The following BARX2 variants were observed in gnomAD, a reference collection of about 807,000 sequenced individuals.
The protein encoded by BARX2 is homeobox protein BarH-like 2.
Under a neutral mutation model 25.5 loss-of-function variants are expected in BARX2, and 11 were observed. That is an observed-to-expected ratio of 0.43 (90% CI 0.27 to 0.71). BARX2 has a LOEUF of 0.71. Among genes scored for constraint, BARX2 ranks in the 30% least tolerant of loss-of-function variants. The pLI is 0.19. For missense variants in BARX2, 360 were observed against 359.9 expected (o/e 1.00, Z 0.00); for synonymous variants, 137 against 149.5 (o/e 0.92, Z 0.61).
rs748723912 is a variant in BARX2 at position 129,436,711 on chromosome 11, C to A, written c.188-40C>A. 4 of 1,530,274 alleles carry A rather than the reference C, an allele frequency of 2.6e-6. No homozygotes were observed. The highest frequency in any genetic ancestry group is 2.6e-6 in the Non-Finnish European group (3 of 1,134,282). The allele number at this position is 1,530,274 out of a possible 1,614,324, so 94.8% of individuals were successfully genotyped here. ...GCAGGTCCTGGCCTGCTTCCCCACA[C>A]CGTTCCCTGTGGTGACCTGCCTCCC... On this transcript the variant is annotated intron_variant, in intron 1 of 3. Coordinates refer to ENST00000281437, the MANE Select transcript of BARX2 (RefSeq NM_003658.5). The surrounding 1 kb of genome is among the most constrained non-coding windows in gnomAD (Gnocchi z 4.5).
intron 1 of BARX2, among the ~76,000 whole-genome samples, chr11:129,427,792 G>A (rs548858825): frequency 5.3e-5 from 8 of 152,300 alleles, no homozygotes; most frequent in Non-Finnish European, 1.0e-4. Context: ...AGATGGAGGA[G>A]CTGTGCCAAG....
intron 1 of BARX2, among the ~76,000 whole-genome samples, chr11:129,423,248 C>T (rs58809107): frequency 0.039 from 5,845 of 151,736 alleles, 147 homozygotes; most frequent in African/African-American, 0.066. Context: ...TCCCGAGTAG[C>T]TGGGATTACA....
intron 1 of BARX2, among the ~76,000 whole-genome samples, chr11:129,382,023 A>G (rs4627094): frequency 0.47 from 72,042 of 152,090 alleles, 17,236 homozygotes; most frequent in East Asian, 0.57. Context: ...TAAGCTCTGC[A>G]CAGCATTTAG....
rs115381903 is a variant in BARX2 at position 129,395,512 on chromosome 11, G to A, written c.187+19290G>A. On this transcript the variant is annotated intron_variant, in intron 1 of 3. Transcript: ENST00000281437. ...ATTGAGTTAGTGGGCCGTGAGTTCCGTGCATTTAGGGTTGTGTGTGAGGCT... is the reference window on the plus strand; with the variant it reads ...ATTGAGTTAGTGGGCCGTGAGTTCCATGCATTTAGGGTTGTGTGTGAGGCT... 8.0e-3 allele frequency among the ~76,000 whole-genome samples: 1,212 copies of A among 152,236 alleles called. 12 individuals are homozygous for A. Among genetic ancestry groups the A allele is most frequent in the African/African-American group, 0.025 (1,024 of 41,554 alleles).
chr11:129,405,714 T>C (rs1292153984), intron 1 of BARX2, among the ~76,000 whole-genome samples: 1 of 152,188 alleles, frequency 6.6e-6, no homozygotes, highest in Non-Finnish European at 1.5e-5. Context: ...GCAAAAATGG[T>C]TTAAAGTTTA....
At chr11:129,442,961 A>T in intron 3 of BARX2, 42 bp downstream of exon 3, 1 of 1,557,712 alleles carries the variant, frequency 6.4e-7, no homozygotes, top group South Asian at 1.1e-5. Context: ...CCTGATGGGA[A>T]GGACTTTTAC....
At chr11:129,449,495 C>T (rs1862370927) in intron 3 of BARX2, among the ~76,000 whole-genome samples, 1 of 152,318 alleles carries the variant, frequency 6.6e-6, no homozygotes, top group African/African-American at 2.4e-5. Context: ...TCTGGAAGCC[C>T]TTCTCACTAA....
chr11:129,409,049 G>A (rs962124609), intron 1 of BARX2, among the ~76,000 whole-genome samples: 1 of 152,028 alleles, frequency 6.6e-6, no homozygotes, highest in South Asian at 2.1e-4. Flanking sequence ...TGTGGGCCAG[G>A]AGCTAGCTAC....
At position 129,436,476 on chromosome 11, in the gene BARX2, GGA is replaced by G. The variant is rs1862190028; in HGVS notation, c.188-269_188-268del. The G allele has an allele frequency of 1.3e-5, 5 of 385,220 alleles. No homozygotes were observed. In the East Asian group the frequency reaches 1.5e-4, roughly 12 times the overall value. 23.9% of individuals were successfully genotyped at this position (385,220 alleles called of 1,614,324 possible). ...GACCAAGAATTTAGGGATTCCGAAG[GGA>G]GAGAGGGGAAAGATCTGCTTAAAAC... On this transcript the variant is annotated intron_variant, in intron 1 of 3. Transcript: ENST00000281437. This position sits in a 1 kb window ranked among gnomAD's most constrained non-coding sequence, Gnocchi z 4.5.
intron 1 of BARX2, among the ~76,000 whole-genome samples, chr11:129,418,709 C>T (rs1175509250): frequency 6.6e-6 from 1 of 152,064 alleles, no homozygotes; most frequent in East Asian, 1.9e-4. Flanking sequence ...GAATTGGGTA[C>T]CCTGTCATGA....
Position 129,388,512 on chromosome 11 carries a change from T to A in BARX2, c.187+12290T>A, listed in dbSNP as rs114641459. 4.1e-3 allele frequency among the ~76,000 whole-genome samples: 632 copies of A among 152,340 alleles called. 2 individuals are homozygous for A. Among genetic ancestry groups the A allele is most frequent in the African/African-American group, 0.015 (611 of 41,588 alleles). On this transcript the variant is annotated intron_variant, in intron 1 of 3. Transcript: ENST00000281437. The stretch of plus-strand genomic sequence containing the variant: ...GGAATTCCTACTCATTCATTCATTA[T>A]CAACTAGAGAGAAAGTGCTGAACAA...
At position 129,436,066 on chromosome 11, in the gene BARX2, C is replaced by T. The variant is rs1415018844; in HGVS notation, c.188-685C>T. 1 of 152,182 alleles carries T rather than the reference C, an allele frequency of 6.6e-6. No homozygotes were observed. The highest frequency in any genetic ancestry group is 6.5e-5 in the Admixed American group (1 of 15,274). 9.4% of individuals were successfully genotyped at this position (152,182 alleles called of 1,614,324 possible). ...TGTGATTTAAAATCTGTTTGCCTCC[C>T]TCTTCTGAATGATGTATCCATGTGA... is the stretch of plus-strand genomic sequence containing the variant. On this transcript the variant is annotated intron_variant, in intron 1 of 3. Coordinates refer to ENST00000281437, the MANE Select transcript of BARX2 (RefSeq NM_003658.5). The surrounding 1 kb of genome is among the most constrained non-coding windows in gnomAD (Gnocchi z 4.5).
chr11:129,398,642 G>C (rs1861746239), intron 1 of BARX2, among the ~76,000 whole-genome samples: 1 of 152,188 alleles, frequency 6.6e-6, no homozygotes, highest in South Asian at 2.1e-4. Flanking sequence ...AATAAATCTT[G>C]TTGCTGTTCC....
chr11:129,381,900 C>G (rs907456230), intron 1 of BARX2, among the ~76,000 whole-genome samples: 1 of 152,174 alleles, frequency 6.6e-6, no homozygotes, highest in Non-Finnish European at 1.5e-5. Flanking sequence ...AAGGGCTGTA[C>G]AGGCAAAACA....
chr11:129,426,244 A>G (rs1308229576), intron 1 of BARX2, among the ~76,000 whole-genome samples: 1 of 152,088 alleles, frequency 6.6e-6, no homozygotes, highest in African/African-American at 2.4e-5. Flanking sequence ...AGGCTTACAG[A>G]TTATGCGTAT....
chr11:129,395,592 C>T (rs1565511085), intron 1 of BARX2, among the ~76,000 whole-genome samples: 1 of 152,184 alleles, frequency 6.6e-6, no homozygotes, highest in African/African-American at 2.4e-5. Context: ...TCCAGTGCCA[C>T]GTTCAGCCCT....
At chr11:129,446,206 T>C (rs1057501555) in intron 3 of BARX2, among the ~76,000 whole-genome samples, 1 of 152,210 alleles carries the variant, frequency 6.6e-6, no homozygotes, top group African/African-American at 2.4e-5. Flanking sequence ...AGCCTCATTA[T>C]TTGGTGGTCT....
chr11:129,415,196 C>T (rs11822939), intron 1 of BARX2, among the ~76,000 whole-genome samples: 14,972 of 152,136 alleles, frequency 0.098, 867 homozygotes, highest in African/African-American at 0.15. Context: ...CAGGCTCTTA[C>T]TACATGTTTT....
rs147488523 is a variant in BARX2, at chr11:129,380,019, C to T, written c.187+3797C>T. On this transcript the variant is annotated intron_variant, in intron 1 of 3. Transcript: ENST00000281437. ...GGTTAGACCTACAGAGCTGGAGAGG[C>T]TCATAAAATCATAGATCAATATCCT... Among the ~76,000 whole-genome samples, 615 of 151,968 alleles carry T rather than the reference C, an allele frequency of 4.0e-3. 3 individuals are homozygous for T. Among genetic ancestry groups the T allele is most frequent in the Non-Finnish European group, 7.1e-3 (484 of 68,022 alleles).
Sources: allele counts gnomAD v4.1 joint callset (sites outside exome capture counted in the v4.1 genomes callset), GRCh38; gene constraint gnomAD v4.1.1; non-coding constraint Gnocchi (gnomAD v3.1); transcripts MANE v1.5; gene names NCBI Gene and HGNC (gene_info 2026-07-23, HGNC 2026-07-21).